Variants in DNAH6 observed in about 807,000 individuals in gnomAD.
DNAH6 encodes the protein dynein axonemal heavy chain 6, also known as axonemal beta dynein heavy chain 6.
In DNAH6, 340 loss-of-function variants were observed where a neutral mutation model predicts 491.4. The observed-to-expected ratio is 0.69, with a 90% CI of 0.63 to 0.76. The LOEUF (loss-of-function observed/expected upper bound fraction) is 0.76. DNAH6 is among the 30% of genes least tolerant of loss of function. DNAH6 has a pLI of 0.00. For synonymous variants in DNAH6, 1,603 were observed against 1,686.1 expected (o/e 0.95, Z 1.21); for missense variants, 4,443 against 4,972.2 (o/e 0.89, Z 3.20).
At chr2:84,779,128 G>A (rs1573785177) in intron 64 of DNAH6, among the ~76,000 whole-genome samples, 1 of 152,130 alleles carries the variant, frequency 6.6e-6, no homozygotes, top group East Asian at 1.9e-4. Flanking sequence ...TTGATGGGTG[G>A]AGTATTCTGT....
intron 45 of DNAH6, among the ~76,000 whole-genome samples, chr2:84,693,810 C>T (rs1219375778): frequency 6.6e-6 from 1 of 151,714 alleles, no homozygotes; most frequent in Non-Finnish European, 1.5e-5. Context: ...GCAGTAAATC[C>T]ATTTCAAAGT....
In DNAH6 at chr2:84,796,318, A is replaced by T. The variant is rs1413063774; in HGVS notation, c.11252A>T (p.Tyr3751Phe). 4 of 1,489,510 alleles carry T rather than the reference A, an allele frequency of 2.7e-6. No individual in the cohort carries two copies. Among genetic ancestry groups the T allele is most frequent in the Non-Finnish European group, 3.6e-6 (4 of 1,117,104 alleles). The allele number at this position is 1,489,510 out of a possible 1,614,324, so 92.3% of individuals were successfully genotyped here. A position where few individuals can be genotyped will look rare whatever the true frequency, so the allele number is the denominator to read the frequency against. Residue 3751 changes from tyrosine (Y) to phenylalanine (F), a missense_variant, in exon 69 of 77, where the codon TAT becomes TTT. Physicochemically the swap from Tyr to Phe is conservative, Grantham distance 22. Coordinates refer to ENST00000389394, the MANE Select transcript of DNAH6 (RefSeq NM_001370.2). ...AATTTCTTTTCAGGTGAAATTACTTATGGTGGTAGAGTCACAGACAGCTGG... is the reference window on the plus strand; with the variant it reads ...AATTTCTTTTCAGGTGAAATTACTTTTGGTGGTAGAGTCACAGACAGCTGG... ...ALIYITGEITYGGRVTDSWDQ... is the reference protein window; with the variant it reads ...ALIYITGEITFGGRVTDSWDQ...
intron 32 of DNAH6, among the ~76,000 whole-genome samples, chr2:84,641,672 G>A (rs1689418244): frequency 6.6e-6 from 1 of 152,222 alleles, no homozygotes; most frequent in Non-Finnish European, 1.5e-5. Context: ...AATCATCATG[G>A]TGTATTCAGG....
chr2:84,664,951 A>T (rs1187979206), intron 37 of DNAH6, among the ~76,000 whole-genome samples: 3 of 152,214 alleles, frequency 2.0e-5, no homozygotes, highest in African/African-American at 4.8e-5. Flanking sequence ...AACTCACTCA[A>T]GACCGCTCAA....
chr2:84,584,166 A>G lies in DNAH6; in HGVS notation c.2397A>G (p.Ser799=), dbSNP rs780396280. The change falls in exon 15 of 77, where the codon TCA becomes TCG. Residue 799 remains serine (S), a synonymous_variant. Coordinates refer to ENST00000389394, the MANE Select transcript of DNAH6 (RefSeq NM_001370.2). ...ATAAATCAGTGGGTGATAGAGAATC[A>G]AGCATTAAGCAATTTTGTGTGCATT... The part of the protein sequence containing the change: ...AIDKSVGDRE[S]SIKQFCVHLG... 1 of 1,614,200 alleles carries G rather than the reference A, an allele frequency of 6.2e-7. No homozygotes were observed. The highest frequency in any genetic ancestry group is 8.5e-7 in the Non-Finnish European group (1 of 1,180,034).
chr2:84,509,904 C>G, the DNAH6 span, among the ~76,000 whole-genome samples: 1 of 152,204 alleles, frequency 6.6e-6, no homozygotes, highest in Non-Finnish European at 1.5e-5. Context: ...ATATTGGCCC[C>G]CACTCTCTTC....
chr2:84,713,047 T>C (rs936196060), intron 56 of DNAH6, 48 bp from the exon 57 acceptor site: 1 of 1,501,086 alleles, frequency 6.7e-7, no homozygotes, highest in Non-Finnish European at 9.0e-7. Context: ...ATGCTATCCA[T>C]TTTAATTGCT....
chr2:84,640,966 T>C (rs1689335199), intron 32 of DNAH6, among the ~76,000 whole-genome samples: 1 of 152,264 alleles, frequency 6.6e-6, no homozygotes, highest in Non-Finnish European at 1.5e-5. Context: ...GTCATACTTG[T>C]TGCCTGAGAA....
At chr2:84,763,713 G>GAT (rs1674803232) in intron 64 of DNAH6, among the ~76,000 whole-genome samples, 2 of 104,124 alleles carry the variant, frequency 1.9e-5, no homozygotes, top group Non-Finnish European at 4.0e-5. Flanking sequence ...GAACTGATAG[G>GAT]ATGTGTGTGT....
At chr2:84,523,628 G>C (rs560662342) in intron 2 of DNAH6, among the ~76,000 whole-genome samples, 1 of 152,014 alleles carries the variant, frequency 6.6e-6, no homozygotes, top group East Asian at 1.9e-4. Flanking sequence ...CCTTAACTGT[G>C]TCCCAGAGAT....
At chr2:84,654,060 A>G (rs1690715991) in intron 34 of DNAH6, among the ~76,000 whole-genome samples, 186 bp downstream of exon 34, 1 of 152,092 alleles carries the variant, frequency 6.6e-6, no homozygotes, top group Non-Finnish European at 1.5e-5. Flanking sequence ...TCTTGTCTCT[A>G]TAAATAGGAA....
rs1288800323 is a variant in DNAH6 at position 84,557,823 on chromosome 2, C to G, written c.1691C>G (p.Thr564Ser). Residue 564 changes from threonine (T) to serine (S), a missense_variant, in exon 11 of 77, where the codon ACC becomes AGC. Transcript: ENST00000389394. ...LVPDSYFDAF[T>S]SPYINNKLEG... ...CCTGATTCGTATTTTGATGCTTTCA[C>G]CAGCCCTTATATTAACAACAAACTT... 1 of 1,613,234 alleles carries G rather than the reference C, an allele frequency of 6.2e-7. No homozygotes were observed. Among genetic ancestry groups the G allele is most frequent in the East Asian group, 2.2e-5 (1 of 44,838 alleles).
chr2:84,476,881 C>T, the DNAH6 span, among the ~76,000 whole-genome samples: 2 of 152,198 alleles, frequency 1.3e-5, no homozygotes, highest in African/African-American at 4.8e-5. Context: ...TTCACTTTGT[C>T]CTGTTGTTAC....
intron 18 of DNAH6, among the ~76,000 whole-genome samples, chr2:84,601,620 T>G (rs1685252234): frequency 1.5e-5 from 2 of 136,340 alleles, no homozygotes; most frequent in Admixed American, 1.5e-4. Flanking sequence ...ATAGGTTTTT[T>G]TAGATAGCAT....
At position 84,634,597 on chromosome 2, in the gene DNAH6, A is replaced by G. The variant is rs1573304155; in HGVS notation, c.4609A>G (p.Ile1537Val). ...NRIDIEVLSV[I>V]AQQLITIRNA... ...AATTGACATAGAAGTTCTGTCCGTCATCGCGCAGCAACTCATTACCATTAG... is the reference window on the plus strand; with the variant it reads ...AATTGACATAGAAGTTCTGTCCGTCGTCGCGCAGCAACTCATTACCATTAG... Residue 1537 changes from isoleucine (I) to valine (V), a missense_variant, in exon 30 of 77, where the codon ATC (isoleucine) becomes GTC (valine). Physicochemically the swap from Ile to Val is conservative, Grantham distance 29 (BLOSUM62 3). Coordinates refer to ENST00000389394, the MANE Select transcript of DNAH6 (RefSeq NM_001370.2). 1.9e-6 allele frequency: 3 copies of G among 1,550,378 alleles called. No homozygotes were observed. Among genetic ancestry groups the G allele is most frequent in the African/African-American group, 2.7e-5 (2 of 73,024 alleles).
intron 23 of DNAH6, among the ~76,000 whole-genome samples, chr2:84,619,233 C>T (rs1687163778): frequency 6.6e-6 from 1 of 152,178 alleles, no homozygotes; most frequent in South Asian, 2.1e-4. Flanking sequence ...TACACATTCA[C>T]ACAACCCAAT....
intron 37 of DNAH6, among the ~76,000 whole-genome samples, chr2:84,662,185 A>G (rs1691574395): frequency 6.6e-6 from 1 of 152,148 alleles, no homozygotes; most frequent in African/African-American, 2.4e-5. Context: ...GCTCCAGTCT[A>G]CAGCTCCCAG....
In DNAH6 at chr2:84,640,460, A is replaced by G; in HGVS notation, c.4852A>G (p.Ser1618Gly). 2.6e-6 allele frequency: 4 copies of G among 1,529,996 alleles called. No homozygotes were observed. The highest frequency in any genetic ancestry group is 3.5e-6 in the Non-Finnish European group (4 of 1,127,408). 94.8% of individuals were successfully genotyped at this position (1,529,996 alleles called of 1,614,324 possible). A position where few individuals can be genotyped will look rare whatever the true frequency, so the allele number is the denominator to read the frequency against. Reference sequence around the variant, plus strand: ...TCTATATTCTGAAGGATTTGAATCCAGTAAAATATTAGCAAGAAAAATGAC... The same window carrying G: ...TCTATATTCTGAAGGATTTGAATCCGGTAAAATATTAGCAAGAAAAATGAC... ...VILYSEGFES[S>G]KILARKMTQM... Residue 1618 changes from serine (S) to glycine (G), a missense_variant, in exon 32 of 77, where the codon AGT (serine) becomes GGT (glycine). Ser to Gly is a moderately conservative substitution (Grantham distance 56). Transcript: ENST00000389394.
intron 44 of DNAH6, 74 bp downstream of exon 44, chr2:84,686,631 T>G (rs1401729951): frequency 2.0e-6 from 2 of 979,588 alleles, no homozygotes; most frequent in East Asian, 2.8e-5. Flanking sequence ...CAAATGAATA[T>G]TCTATAAAAA....
Sources: gnomAD v4.1 joint callset for allele counts (sites outside exome capture counted in the v4.1 genomes callset) on GRCh38, gnomAD v4.1.1 for gene constraint, MANE v1.5 for transcripts, NCBI Gene and HGNC (gene_info 2026-07-23, HGNC 2026-07-21) for gene names.